The following CAMK1D variants were observed in gnomAD, a reference collection of about 807,000 sequenced individuals.
The protein encoded by CAMK1D is calcium/calmodulin dependent protein kinase ID.
CAMK1D carries 9 observed loss-of-function variants against 47.7 expected under a neutral mutation model. The observed-to-expected ratio is 0.19, with a 90% CI of 0.11 to 0.33. The LOEUF (loss-of-function observed/expected upper bound fraction) is 0.33, where lower values mean the gene tolerates loss of function less well. Among genes scored for constraint, CAMK1D ranks in the 10% least tolerant of loss-of-function variants. The probability of loss-of-function intolerance (pLI) is 1.00; values close to 1 mark genes in which losing one functional copy is unlikely to be tolerated. For missense variants in CAMK1D, 291 were observed against 488.7 expected (o/e 0.60, Z 3.81); for synonymous variants, 184 against 184.9 (o/e 0.99, Z 0.04).
At chr10:12,814,996 G>A (rs1159455551) in intron 7 of CAMK1D, among the ~76,000 whole-genome samples, 3 of 152,222 alleles carry the variant, frequency 2.0e-5, no homozygotes, top group African/African-American at 7.2e-5. Flanking sequence ...TGTATGCTGA[G>A]CACAAGATGC....
intron 1 of CAMK1D, among the ~76,000 whole-genome samples, chr10:12,351,290 AG>A (rs1837349331): frequency 6.6e-6 from 1 of 152,142 alleles, no homozygotes; most frequent in Non-Finnish European, 1.5e-5. Flanking sequence ...AAACAGAAAA[AG>A]ATGTAGCTTT....
At chr10:12,580,500 G>T (rs57028795) in intron 2 of CAMK1D, among the ~76,000 whole-genome samples, 6,964 of 152,220 alleles carry the variant, frequency 0.046, 244 homozygotes, top group East Asian at 0.15. Context: ...GGTTTCCGAT[G>T]AGAGTGAAAC....
At chr10:12,552,496 C>G (rs903171433) in intron 1 of CAMK1D, among the ~76,000 whole-genome samples, 1 of 152,068 alleles carries the variant, frequency 6.6e-6, no homozygotes, top group East Asian at 1.9e-4. Context: ...CCTGTGAGGA[C>G]CTGGGGATTT....
chr10:12,508,658 A>G (rs548187058), intron 1 of CAMK1D, among the ~76,000 whole-genome samples: 4 of 152,286 alleles, frequency 2.6e-5, no homozygotes, highest in Admixed American at 2.0e-4. Flanking sequence ...TGTGACATAT[A>G]TTTTATCACA....
At chr10:12,613,622 G>GCAGA (rs1838696201) in intron 2 of CAMK1D, among the ~76,000 whole-genome samples, 1 of 152,150 alleles carries the variant, frequency 6.6e-6, no homozygotes, top group Admixed American at 6.5e-5. Flanking sequence ...GGGATTACAG[G>GCAGA]CGTCTGACAC....
intron 1 of CAMK1D, among the ~76,000 whole-genome samples, chr10:12,522,191 C>T (rs66529925): frequency 0.029 from 1,143 of 39,796 alleles, 122 homozygotes; most frequent in Middle Eastern, 0.057. Flanking sequence ...GATATATTTC[C>T]TTTTTTTTTC....
chr10:12,515,223 T>C (rs918609175), intron 1 of CAMK1D, among the ~76,000 whole-genome samples: 2 of 151,882 alleles, frequency 1.3e-5, no homozygotes, highest in Non-Finnish European at 2.9e-5. Context: ...TCTTACGGTG[T>C]GCAGTCTGAA....
In CAMK1D at chr10:12,564,940, G is replaced by T. The variant is rs551437966; in HGVS notation, c.224+11584G>T. On this transcript the variant is annotated intron_variant, in intron 2 of 10. Transcript: ENST00000619168. Reference sequence around the variant, plus strand: ...ATATGTCTTGGAGGCCAATCACAGTGTCTCATGCCTGTAGTCCCAGAACTT... The same window carrying T: ...ATATGTCTTGGAGGCCAATCACAGTTTCTCATGCCTGTAGTCCCAGAACTT... Among the ~76,000 whole-genome samples the T allele has an allele frequency of 1.7e-4, 26 of 152,328 alleles. No homozygotes were observed. The South Asian group carries it at 4.8e-3, about 28-fold the overall frequency.
intron 1 of CAMK1D, among the ~76,000 whole-genome samples, chr10:12,523,492 C>T (rs143701151): frequency 0.51 from 76,818 of 151,202 alleles, 19,700 homozygotes; most frequent in South Asian, 0.62. Flanking sequence ...TCTGCAATCC[C>T]GGCACCTCGG....
At chr10:12,607,766 G>A (rs1275744048) in intron 2 of CAMK1D, among the ~76,000 whole-genome samples, 2 of 152,154 alleles carry the variant, frequency 1.3e-5, no homozygotes, top group Non-Finnish European at 2.9e-5. Flanking sequence ...TTCCAGACCA[G>A]CCTAAGCAAC....
intron 2 of CAMK1D, among the ~76,000 whole-genome samples, chr10:12,615,032 G>C (rs1049332394): frequency 6.6e-6 from 1 of 152,230 alleles, no homozygotes; most frequent in Non-Finnish European, 1.5e-5. Flanking sequence ...GGGTTTACAG[G>C]GTTGGAAGGG....
chr10:12,598,879 G>T (rs1377107296), intron 2 of CAMK1D, among the ~76,000 whole-genome samples: 1 of 152,192 alleles, frequency 6.6e-6, no homozygotes, highest in Admixed American at 6.5e-5. Context: ...GGCCTACAAA[G>T]ACCAAAATAT....
chr10:12,650,930 C>T (rs1356676974), intron 2 of CAMK1D, among the ~76,000 whole-genome samples: 1 of 152,202 alleles, frequency 6.6e-6, no homozygotes, highest in Non-Finnish European at 1.5e-5. Flanking sequence ...CAGGGTTCCA[C>T]ACCTGCCAGT....
intron 8 of CAMK1D, among the ~76,000 whole-genome samples, chr10:12,818,782 A>C (rs1832906411): frequency 6.6e-6 from 1 of 152,190 alleles, no homozygotes; most frequent in Admixed American, 6.5e-5. Flanking sequence ...TCCCTTCACC[A>C]TCACACTGGA....
chr10:12,766,404 C>A (rs1445821693), intron 4 of CAMK1D, among the ~76,000 whole-genome samples: 1 of 148,038 alleles, frequency 6.8e-6, no homozygotes, highest in East Asian at 2.0e-4. Flanking sequence ...GCCTCTGTCC[C>A]CAGGTTGGAG....
At chr10:12,771,643 A>G (rs955698939) in intron 5 of CAMK1D, among the ~76,000 whole-genome samples, 7 of 152,134 alleles carry the variant, frequency 4.6e-5, no homozygotes, top group Non-Finnish European at 1.0e-4. Context: ...GTGGCTGGGG[A>G]GGAGCTGTGT....
chr10:12,650,866 A>T (rs1274689751), intron 2 of CAMK1D, among the ~76,000 whole-genome samples: 4 of 152,150 alleles, frequency 2.6e-5, no homozygotes, highest in African/African-American at 7.2e-5. Context: ...AGGAAAAAGG[A>T]TGCATGGGGA....
rs189834050 is a variant in CAMK1D, at chr10:12,561,249, A to G, written c.224+7893A>G. 3.6e-4 allele frequency among the ~76,000 whole-genome samples: 55 copies of G among 152,252 alleles called. 1 individual carries two copies. Among genetic ancestry groups the G allele is most frequent in the Admixed American group, 3.6e-3 (55 of 15,284 alleles). On this transcript the variant is annotated intron_variant, in intron 2 of 10. Transcript: ENST00000619168. ...CCATAAAACAGGCTTTGAGGGATGC[A>G]GTAAGTTATTTAGTGATGGTGGTGG...
chr10:12,813,706 TG>T (rs1712259175), intron 6 of CAMK1D, among the ~76,000 whole-genome samples: 1 of 152,176 alleles, frequency 6.6e-6, no homozygotes, highest in African/African-American at 2.4e-5. Flanking sequence ...TGTGCTTTCT[TG>T]GTTGAGATTA....
Sources: allele counts gnomAD v4.1 joint callset (sites outside exome capture counted in the v4.1 genomes callset), GRCh38; gene constraint gnomAD v4.1.1; transcripts MANE v1.5; gene names NCBI Gene and HGNC (gene_info 2026-07-23, HGNC 2026-07-21).